Variants in NDC80 observed in about 807,000 individuals in gnomAD.
NDC80 encodes kinetochore protein NDC80 homolog.
A neutral mutation model predicts 89.3 loss-of-function variants in NDC80; 69 were observed. That is an observed-to-expected ratio of 0.77 (90% confidence interval 0.64 to 0.94). The LOEUF is 0.94. Among genes scored for constraint, NDC80 ranks in the 40% least tolerant of loss-of-function variants. The pLI is 0.00. For missense variants in NDC80, 593 were observed against 739.6 expected (o/e 0.80, Z 2.30); for synonymous variants, 243 against 255.6 (o/e 0.95, Z 0.47).
At chr18:2,613,500 G>T (rs2072756147) in intron 16 of NDC80, among the ~76,000 whole-genome samples, 1 of 152,200 alleles carries the variant, frequency 6.6e-6, no homozygotes, top group Non-Finnish European at 1.5e-5. Flanking sequence ...AAATATATGT[G>T]AGAGAGGCAG....
At chr18:2,609,608 G>A (rs2072732055) in intron 15 of NDC80, among the ~76,000 whole-genome samples, 1 of 152,178 alleles carries the variant, frequency 6.6e-6, no homozygotes, top group Non-Finnish European at 1.5e-5. Context: ...AATACATAAT[G>A]CTACAATAAA....
At chr18:2,612,759 G>A (rs577855318) in intron 16 of NDC80, among the ~76,000 whole-genome samples, 20 of 152,264 alleles carry the variant, frequency 1.3e-4, no homozygotes, top group Middle Eastern at 6.8e-3. Flanking sequence ...TTTCTGTATA[G>A]TTTGGTGTTA....
intron 3 of NDC80, among the ~76,000 whole-genome samples, chr18:2,576,749 C>T (rs989309886): frequency 1.3e-5 from 2 of 152,132 alleles, no homozygotes; most frequent in Non-Finnish European, 2.9e-5. Context: ...CAAACTTCAT[C>T]AAACTGTATG....
intron 10 of NDC80, among the ~76,000 whole-genome samples, chr18:2,593,052 G>T (rs868467668): frequency 1.8e-5 from 2 of 108,422 alleles, no homozygotes; most frequent in African/African-American, 8.9e-5. Flanking sequence ...GTGTGTGTGT[G>T]TGTCTTTTTT....
In NDC80 at chr18:2,607,975, ATAT is replaced by A. The variant is rs1185706268; in HGVS notation, c.1558-724_1558-722del. Among the ~76,000 whole-genome samples, 41 of 109,508 alleles carry A rather than the reference ATAT, an allele frequency of 3.7e-4. No individual in the cohort carries two copies. The East Asian group carries it at 0.012, about 31-fold the overall frequency. 71.8% of individuals were successfully genotyped at this position (109,508 alleles called of 152,430 possible). A position where few individuals can be genotyped will look rare whatever the true frequency, so the allele number is the denominator to read the frequency against. On this transcript the variant is annotated intron_variant, in intron 14 of 16. Transcript: ENST00000261597. The stretch of plus-strand genomic sequence containing the variant: ...TTACATATATACATAGTATATATAT[ATAT>A]ATATATATATATATATATATAACTT...
At chr18:2,573,560 A>G (rs2072531113) in intron 2 of NDC80, among the ~76,000 whole-genome samples, 1 of 152,210 alleles carries the variant, frequency 6.6e-6, no homozygotes, top group South Asian at 2.1e-4. Flanking sequence ...AAAATATCTG[A>G]AAGAACCTGC....
At chr18:2,612,528 A>T (rs1228517412) in intron 16 of NDC80, among the ~76,000 whole-genome samples, 2 of 151,852 alleles carry the variant, frequency 1.3e-5, no homozygotes, top group Non-Finnish European at 2.9e-5. Flanking sequence ...ACCTCAAGTG[A>T]TCTGCCCACC....
intron 13 of NDC80, among the ~76,000 whole-genome samples, chr18:2,604,875 T>C (rs1379001785): frequency 6.6e-6 from 1 of 152,152 alleles, no homozygotes; most frequent in East Asian, 1.9e-4. Flanking sequence ...ATTGTTATTT[T>C]AGTAATTTCA....
At chr18:2,578,190 G>T in intron 5 of NDC80, 49 bp downstream of exon 5, 1 of 1,510,726 alleles carries the variant, frequency 6.6e-7, no homozygotes, top group South Asian at 1.2e-5. Flanking sequence ...ACACAGAGAT[G>T]AAACAAATTA....
rs938991828 is a variant in NDC80, at chr18:2,588,059, T to C, written c.763+136T>C. ...ATCTGGATGCCTACTGATTTTTATC[T>C]TTGTGGTTTCTTTGGTGGAGAGAAG... is the stretch of plus-strand genomic sequence containing the variant. On this transcript the variant is annotated intron_variant, in intron 8 of 16. Coordinates refer to ENST00000261597, the MANE Select transcript of NDC80 (RefSeq NM_006101.3). 26 of 633,486 alleles carry C rather than the reference T, an allele frequency of 4.1e-5. 1 individual carries two copies. In the South Asian group the frequency reaches 5.8e-4, roughly 14 times the overall value. 39.2% of individuals were successfully genotyped at this position (633,486 alleles called of 1,614,324 possible).
intron 14 of NDC80, among the ~76,000 whole-genome samples, chr18:2,607,590 C>T (rs975618965): frequency 4.6e-5 from 7 of 152,004 alleles, no homozygotes; most frequent in Non-Finnish European, 7.4e-5. Context: ...TTGACCTTGG[C>T]GCCCTAAAAA....
intron 2 of NDC80, among the ~76,000 whole-genome samples, chr18:2,574,336 T>C (rs1283366766): frequency 6.6e-6 from 1 of 152,076 alleles, no homozygotes; most frequent in African/African-American, 2.4e-5. Flanking sequence ...CAATAATATA[T>C]TGTATAGTTT....
chr18:2,612,276 C>CTTTTTTTTTTTTTTTTTTTTTTT (rs55648444), intron 16 of NDC80, among the ~76,000 whole-genome samples: 4 of 60,398 alleles, frequency 6.6e-5, no homozygotes, highest in African/African-American at 1.9e-4. Flanking sequence ...TCTTTTCTTT[C>CTTTTTTTTTTTTTTTTTTTTTTT]TTTTTTTTTT....
intron 10 of NDC80, among the ~76,000 whole-genome samples, chr18:2,592,415 G>C (rs1344698958): frequency 2.0e-5 from 3 of 151,246 alleles, no homozygotes; most frequent in Admixed American, 6.6e-5. Flanking sequence ...GAGTAGAGTG[G>C]CTCAATCTTG....
chr18:2,586,279 C>T (rs190293299), intron 7 of NDC80, among the ~76,000 whole-genome samples: 1 of 152,176 alleles, frequency 6.6e-6, no homozygotes, highest in Admixed American at 6.5e-5. Context: ...TAAACATGCG[C>T]CTTTACTACT....
At chr18:2,573,120 C>CT in intron 2 of NDC80, 34 bp downstream of exon 2, 1 of 1,500,848 alleles carries the variant, frequency 6.7e-7, no homozygotes, top group Non-Finnish European at 9.2e-7. Flanking sequence ...AATTTGCATG[C>CT]TTTATCATCT....
chr18:2,593,412 A>C (rs1170955771), intron 10 of NDC80, among the ~76,000 whole-genome samples: 1 of 152,204 alleles, frequency 6.6e-6, no homozygotes, highest in East Asian at 1.9e-4. Flanking sequence ...AAATAACCAC[A>C]TATCCCAAAG....
chr18:2,594,034 CTGGGATTACAGGCA>C (rs957124757), intron 10 of NDC80, among the ~76,000 whole-genome samples: 21 of 152,200 alleles, frequency 1.4e-4, no homozygotes, highest in Non-Finnish European at 2.5e-4. Flanking sequence ...ACCCGAGTAG[CTGGGATTACAGGCA>C]TGCGCCACCA....
At chr18:2,585,225 G>C (rs2072597812) in intron 7 of NDC80, 23 bp downstream of exon 7, 1 of 1,541,850 alleles carries the variant, frequency 6.5e-7, no homozygotes, top group Non-Finnish European at 9.0e-7. Flanking sequence ...ATCATAAACT[G>C]TAATAATGAA....
Sources: allele counts gnomAD v4.1 joint callset (sites outside exome capture counted in the v4.1 genomes callset), GRCh38; gene constraint gnomAD v4.1.1; transcripts MANE v1.5; gene names NCBI Gene and HGNC (gene_info 2026-07-23, HGNC 2026-07-21).